The following DYM variants were observed in gnomAD, a reference collection of about 807,000 sequenced individuals.
The protein encoded by DYM is dyggve-Melchior-Clausen syndrome protein.
Under a neutral mutation model 93.1 loss-of-function variants are expected in DYM, and 78 were observed. That is an observed-to-expected ratio of 0.84 (90% CI 0.70 to 1.01). The LOEUF (loss-of-function observed/expected upper bound fraction) is 1.01. DYM is among the 50% of genes least tolerant of loss of function. The pLI is 0.00. For missense variants in DYM, 789 were observed against 845.0 expected, an observed-to-expected ratio of 0.93 and a Z score of 0.82; for synonymous variants, 321 against 319.7, an observed-to-expected ratio of 1.00 and a Z score of -0.04.
At chr18:49,371,490 C>A (rs140425743) in intron 5 of DYM, among the ~76,000 whole-genome samples, 1 of 152,190 alleles carries the variant, frequency 6.6e-6, no homozygotes, top group Non-Finnish European at 1.5e-5. Flanking sequence ...AATAATAATA[C>A]AATCAATGAC....
intron 16 of DYM, among the ~76,000 whole-genome samples, chr18:49,102,234 C>T (rs999627048): frequency 6.6e-6 from 1 of 152,212 alleles, no homozygotes; most frequent in Admixed American, 6.5e-5. Context: ...TTGCGCTGTG[C>T]AGACATTAAC....
intron 17 of DYM, among the ~76,000 whole-genome samples, chr18:49,045,149 T>G (rs2071311631): frequency 6.6e-6 from 1 of 151,166 alleles, no homozygotes; most frequent in African/African-American, 2.4e-5. Flanking sequence ...CCAGGTTGGG[T>G]GGGGAGAGAG....
chr18:49,216,080 C>T (rs777867859), intron 13 of DYM, among the ~76,000 whole-genome samples: 3 of 152,204 alleles, frequency 2.0e-5, no homozygotes, highest in Non-Finnish European at 2.9e-5. Flanking sequence ...GCTTAAAAAA[C>T]GGTGCACCAC....
At chr18:49,172,579 C>A (rs2088889957) in intron 14 of DYM, among the ~76,000 whole-genome samples, 1 of 152,016 alleles carries the variant, frequency 6.6e-6, no homozygotes, top group South Asian at 2.1e-4. Flanking sequence ...AAATCTTTGC[C>A]CATTTAAAAC....
intron 13 of DYM, among the ~76,000 whole-genome samples, chr18:49,221,702 A>G (rs1193500468): frequency 1.3e-5 from 2 of 152,156 alleles, no homozygotes; most frequent in Admixed American, 6.6e-5. Flanking sequence ...TGGGAATTGA[A>G]CAATGAGAAC....
At chr18:49,381,773 C>T (rs1460478126) in intron 3 of DYM, among the ~76,000 whole-genome samples, 1 of 152,088 alleles carries the variant, frequency 6.6e-6, no homozygotes, top group Non-Finnish European at 1.5e-5. Flanking sequence ...TTTTATCCAG[C>T]CTTCACAATC....
chr18:49,057,119 G>C (rs533801850), intron 17 of DYM, among the ~76,000 whole-genome samples: 17 of 152,224 alleles, frequency 1.1e-4, no homozygotes, highest in Non-Finnish European at 1.9e-4. Context: ...CCTTGGGCAG[G>C]CTAGAAATTT....
chr18:49,052,840 C>T (rs867154635), intron 17 of DYM, among the ~76,000 whole-genome samples: 2 of 152,188 alleles, frequency 1.3e-5, no homozygotes, highest in Non-Finnish European at 2.9e-5. Context: ...TGGGAAGGAT[C>T]GGGGGCTTGG....
chr18:49,246,226 G>C (rs2094162393), intron 13 of DYM, among the ~76,000 whole-genome samples: 1 of 152,172 alleles, frequency 6.6e-6, no homozygotes, highest in African/African-American at 2.4e-5. Flanking sequence ...CTCTTCCCTT[G>C]TTTGTCCTAT....
At chr18:49,308,999 C>T (rs996472376) in intron 8 of DYM, among the ~76,000 whole-genome samples, 9 of 152,158 alleles carry the variant, frequency 5.9e-5, no homozygotes, top group African/African-American at 1.9e-4. Context: ...ATATTAATGG[C>T]ATAGAAAACA....
At chr18:49,211,121 G>A (rs1424466993) in intron 13 of DYM, among the ~76,000 whole-genome samples, 1 of 152,066 alleles carries the variant, frequency 6.6e-6, no homozygotes, top group East Asian at 1.9e-4. Flanking sequence ...TTTAAAGAAA[G>A]ACAAAACTTA....
intron 17 of DYM, among the ~76,000 whole-genome samples, chr18:49,088,821 C>T (rs1013777317): frequency 2.0e-5 from 3 of 152,086 alleles, no homozygotes; most frequent in African/African-American, 7.2e-5. Flanking sequence ...CTAAAATAAT[C>T]TTGTCTGTCA....
At chr18:49,191,446 A>T (rs2090966947) in intron 14 of DYM, among the ~76,000 whole-genome samples, 1 of 152,124 alleles carries the variant, frequency 6.6e-6, no homozygotes, top group Non-Finnish European at 1.5e-5. Flanking sequence ...AAAAAAATCA[A>T]ACCTGTATAA....
chr18:49,459,873 G>C (rs897561032), intron 1 of DYM, among the ~76,000 whole-genome samples: 3 of 151,114 alleles, frequency 2.0e-5, no homozygotes, highest in Non-Finnish European at 4.4e-5. Context: ...TAGTGTAGGG[G>C]AGAGAAGGAG....
rs1323122729 is a variant in DYM, at chr18:49,163,608, T to C, written c.1728+77A>G. The C allele has an allele frequency of 1.5e-5, 14 of 934,654 alleles. No individual in the cohort carries two copies. In the East Asian group the frequency reaches 3.3e-4, roughly 22 times the overall value. 57.9% of individuals were successfully genotyped at this position (934,654 alleles called of 1,614,324 possible). A position where few individuals can be genotyped will look rare whatever the true frequency, so the allele number is the denominator to read the frequency against. On this transcript the variant is annotated intron_variant, in intron 15 of 17. Coordinates refer to ENST00000675505, the MANE Select transcript of DYM (RefSeq NM_001353214.3). ...ATCCATCTGCCTCGGCCTCCCAAAG[T>C]GCTGGGATTACAGGCAGGAGTTACT...
intron 13 of DYM, among the ~76,000 whole-genome samples, chr18:49,235,750 G>A (rs975126178): frequency 2.8e-5 from 4 of 143,646 alleles, no homozygotes; most frequent in Non-Finnish European, 6.0e-5. Flanking sequence ...AAAATTTCCA[G>A]TAAGTACCAT....
At chr18:49,074,180 C>G (rs2077119934) in intron 17 of DYM, among the ~76,000 whole-genome samples, 1 of 152,140 alleles carries the variant, frequency 6.6e-6, no homozygotes, top group Non-Finnish European at 1.5e-5. Flanking sequence ...ATTCAACCAA[C>G]CATGGATTTA....
chr18:49,142,316 A>G (rs1453285059), intron 15 of DYM, among the ~76,000 whole-genome samples: 1 of 152,166 alleles, frequency 6.6e-6, no homozygotes, highest in African/African-American at 2.4e-5. Flanking sequence ...TTGAAACTCA[A>G]AAGGATTAAG....
At chr18:49,430,732 A>G (rs923405664) in intron 1 of DYM, among the ~76,000 whole-genome samples, 6 of 152,066 alleles carry the variant, frequency 3.9e-5, no homozygotes, top group Non-Finnish European at 8.8e-5. Context: ...TAAAAATACA[A>G]AACTTAGCTG....
Sources: allele counts gnomAD v4.1 joint callset (sites outside exome capture counted in the v4.1 genomes callset), GRCh38; gene constraint gnomAD v4.1.1; transcripts MANE v1.5; gene names NCBI Gene and HGNC (gene_info 2026-07-23, HGNC 2026-07-21).